The following BMPR1A variants were observed in gnomAD, a reference collection of about 807,000 sequenced individuals.
BMPR1A encodes the protein bone morphogenetic protein receptor type-1A.
BMPR1A carries 7 observed loss-of-function variants against 66.0 expected under a neutral mutation model. The observed-to-expected ratio is 0.11, with a 90% CI of 0.06 to 0.20. The LOEUF is 0.20. Ranked by LOEUF, BMPR1A falls within the 10% of genes least tolerant of loss-of-function variation. The pLI is 1.00. For synonymous variants in BMPR1A, 200 were observed against 229.7 expected (o/e 0.87, Z 1.17); for missense variants, 408 against 669.1 (o/e 0.61, Z 4.31).
chr10:86,878,312 A>G (rs531374903), intron 3 of BMPR1A, among the ~76,000 whole-genome samples: 1 of 152,328 alleles, frequency 6.6e-6, no homozygotes, highest in South Asian at 2.1e-4. Flanking sequence ...TAAGTGCTTT[A>G]CATTGAGATA....
chr10:86,815,073 A>G (rs1293313424), intron 1 of BMPR1A, among the ~76,000 whole-genome samples: 2 of 152,120 alleles, frequency 1.3e-5, no homozygotes, highest in Non-Finnish European at 2.9e-5. Flanking sequence ...GTGAGCTACC[A>G]TGCCTAGCCC....
intron 7 of BMPR1A, among the ~76,000 whole-genome samples, chr10:86,903,648 G>T (rs1843343329): frequency 3.3e-5 from 5 of 151,882 alleles, no homozygotes; most frequent in Admixed American, 3.3e-4. Flanking sequence ...GTCTCGCTCT[G>T]TCGCCCAGGC....
chr10:86,851,944 C>T (rs1396764315), intron 2 of BMPR1A, among the ~76,000 whole-genome samples: 3 of 152,044 alleles, frequency 2.0e-5, no homozygotes, highest in Admixed American at 2.0e-4. Flanking sequence ...AGAAGTTAGT[C>T]CGAGCTAGGC....
At chr10:86,809,560 C>T (rs994418942) in intron 1 of BMPR1A, among the ~76,000 whole-genome samples, 3 of 150,232 alleles carry the variant, frequency 2.0e-5, no homozygotes, top group Admixed American at 6.6e-5. Flanking sequence ...TTCCAAAGTC[C>T]GGGGATTACA....
intron 1 of BMPR1A, among the ~76,000 whole-genome samples, chr10:86,824,330 C>T (rs185685890): frequency 1.2e-4 from 18 of 152,234 alleles, no homozygotes; most frequent in African/African-American, 4.3e-4. Flanking sequence ...CCTTTTGAAA[C>T]CTTCCTTGAT....
At chr10:86,870,681 T>A (rs1217562096) in intron 2 of BMPR1A, among the ~76,000 whole-genome samples, 2 of 151,914 alleles carry the variant, frequency 1.3e-5, no homozygotes, top group Non-Finnish European at 2.9e-5. Flanking sequence ...ACCTCAGCCT[T>A]CCAAAGTGCT....
intron 1 of BMPR1A, among the ~76,000 whole-genome samples, chr10:86,838,044 G>A (rs1010757945): frequency 5.9e-5 from 9 of 152,160 alleles, no homozygotes; most frequent in Admixed American, 3.9e-4. Flanking sequence ...TTTAAAACAC[G>A]AAACAGAATA....
chr10:86,813,714 C>T (rs968628778), intron 1 of BMPR1A, among the ~76,000 whole-genome samples: 10 of 152,168 alleles, frequency 6.6e-5, no homozygotes, highest in African/African-American at 2.4e-4. Context: ...AGAACGCACA[C>T]CCATTATGCG....
intron 1 of BMPR1A, among the ~76,000 whole-genome samples, chr10:86,759,642 G>A (rs1349558078): frequency 1.3e-5 from 2 of 152,044 alleles, no homozygotes; most frequent in Non-Finnish European, 2.9e-5. Context: ...CTAACTGTGG[G>A]GCAATTCTGA....
At chr10:86,805,377 T>TACGCACACACAC (rs1554880397) in intron 1 of BMPR1A, among the ~76,000 whole-genome samples, 2 of 142,984 alleles carry the variant, frequency 1.4e-5, no homozygotes, top group African/African-American at 5.2e-5. Flanking sequence ...CTCCTACCTG[T>TACGCACACACAC]ACACACACAC....
chr10:86,806,402 TG>T (rs1841889784), intron 1 of BMPR1A, among the ~76,000 whole-genome samples: 2 of 152,228 alleles, frequency 1.3e-5, no homozygotes, highest in African/African-American at 2.4e-5. Context: ...AGTTGTAGAA[TG>T]GTGATTTTTC....
intron 2 of BMPR1A, among the ~76,000 whole-genome samples, chr10:86,850,212 T>G (rs1215472046): frequency 6.6e-6 from 1 of 151,856 alleles, no homozygotes; most frequent in African/African-American, 2.4e-5. Flanking sequence ...TTCCAGCTCC[T>G]TGGGAGGCTG....
intron 1 of BMPR1A, among the ~76,000 whole-genome samples, chr10:86,791,299 G>A (rs1319537089): frequency 1.3e-5 from 2 of 150,504 alleles, no homozygotes; most frequent in East Asian, 2.0e-4. Context: ...TGCAAGCTCC[G>A]CCTCCTGGGT....
At chr10:86,843,532 G>A (rs1429199079) in intron 2 of BMPR1A, 4 of 152,194 alleles carry the variant, frequency 2.6e-5, no homozygotes, top group African/African-American at 7.2e-5. Context: ...AGTAATATAA[G>A]TAATGATAAC....
chr10:86,781,798 T>C (rs1412528146), intron 1 of BMPR1A, among the ~76,000 whole-genome samples: 1 of 151,984 alleles, frequency 6.6e-6, no homozygotes, highest in Non-Finnish European at 1.5e-5. Context: ...ATGATTGGCG[T>C]ATTTCACTTA....
chr10:86,879,428 T>C (rs1424398370), intron 3 of BMPR1A, among the ~76,000 whole-genome samples: 1 of 152,206 alleles, frequency 6.6e-6, no homozygotes, highest in East Asian at 1.9e-4. Flanking sequence ...GACCAACGAT[T>C]ATCTCTGCTG....
intron 2 of BMPR1A, chr10:86,855,611 T>A: frequency 1.6e-6 from 1 of 625,584 alleles, no homozygotes. Flanking sequence ...CTCTTGAGTA[T>A]TTACTTTCTG....
At chr10:86,762,591 T>C (rs569717855) in intron 1 of BMPR1A, among the ~76,000 whole-genome samples, 12 of 152,304 alleles carry the variant, frequency 7.9e-5, no homozygotes, top group Non-Finnish European at 1.6e-4. Flanking sequence ...ACTCCTGACC[T>C]CAGGTGATCC....
At chr10:86,909,863 G>C (rs1301670982) in intron 7 of BMPR1A, among the ~76,000 whole-genome samples, 3 of 152,118 alleles carry the variant, frequency 2.0e-5, no homozygotes, top group Non-Finnish European at 4.4e-5. Context: ...TAGGGATAAA[G>C]GTGTAGGGAA....
Sources: allele counts gnomAD v4.1 joint callset (sites outside exome capture counted in the v4.1 genomes callset), GRCh38; gene constraint gnomAD v4.1.1; transcripts MANE v1.5; gene names NCBI Gene and HGNC (gene_info 2026-07-23, HGNC 2026-07-21).